Variants in HDGFL2 observed in about 807,000 individuals in gnomAD.
HDGFL2 encodes HDGF like 2.
HDGFL2 carries 36 observed loss-of-function variants against 77.1 expected under a neutral mutation model. The ratio of observed to expected loss-of-function variants is 0.47; its 90% CI spans 0.36 to 0.62. HDGFL2 has a LOEUF of 0.62. Ranked by LOEUF, HDGFL2 falls within the 20% of genes least tolerant of loss-of-function variation. The probability of loss-of-function intolerance (pLI) is 0.00; values close to 1 mark genes in which losing one functional copy is unlikely to be tolerated. For synonymous variants in HDGFL2, 463 were observed against 413.1 expected (o/e 1.12, Z -1.46); for missense variants, 976 against 973.4 (o/e 1.00, Z -0.04).
chr19:4,473,194 G>A (rs538030440), intron 1 of HDGFL2, among the ~76,000 whole-genome samples: 29 of 149,222 alleles, frequency 1.9e-4, no homozygotes, highest in African/African-American at 7.2e-4. Flanking sequence ...ACCTGAGGGA[G>A]CTGCGCCGTG....
At chr19:4,478,675 A>C (rs1975134593) in intron 3 of HDGFL2, among the ~76,000 whole-genome samples, 2 of 149,022 alleles carry the variant, frequency 1.3e-5, no homozygotes, top group African/African-American at 5.0e-5. Context: ...CCAGGTGGGT[A>C]GTTGGTTGGT....
In HDGFL2 at chr19:4,472,339, C is replaced by T; in HGVS notation, c.-12C>T. 1.3e-6 allele frequency: 2 copies of T among 1,516,074 alleles called. No homozygotes were observed. The highest frequency in any genetic ancestry group is 1.4e-5 in the African/African-American group (1 of 69,606). The allele number at this position is 1,516,074 out of a possible 1,614,324, so 93.9% of individuals were successfully genotyped here. ...CAGCCGCTTTCCGCGGCCTGGGCCTCTCGCCGTCAGCATGCCACACGCCTT... is the reference window on the plus strand; with the variant it reads ...CAGCCGCTTTCCGCGGCCTGGGCCTTTCGCCGTCAGCATGCCACACGCCTT... On this transcript the variant is annotated 5_prime_UTR_variant, in exon 1 of 16. Transcript: ENST00000616600.
chr19:4,493,663 G>A (rs917480519), intron 6 of HDGFL2, 40 bp from the exon 7 acceptor site: 18 of 1,405,538 alleles, frequency 1.3e-5, no homozygotes, highest in Middle Eastern at 2.1e-4. Context: ...TTCTCACGGT[G>A]GGGCTCCTGA....
intron 3 of HDGFL2, among the ~76,000 whole-genome samples, chr19:4,478,043 G>A (rs1251519738): frequency 7.1e-6 from 1 of 141,780 alleles, no homozygotes; most frequent in Non-Finnish European, 1.5e-5. Context: ...TTGTGCCACT[G>A]TACTCCAGCC....
chr19:4,495,025 C>T (rs1975663863), intron 9 of HDGFL2, among the ~76,000 whole-genome samples: 1 of 152,098 alleles, frequency 6.6e-6, no homozygotes, highest in Admixed American at 6.6e-5. Context: ...TGGGGGGTTT[C>T]TCTTTTAAAT....
intron 14 of HDGFL2, 145 bp downstream of exon 14, chr19:4,499,849 C>CACGG: frequency 1.4e-6 from 1 of 701,506 alleles, no homozygotes; most frequent in Non-Finnish European, 2.3e-6. Flanking sequence ...GGTCTCCGTG[C>CACGG]AGACCCGGCT....
intron 9 of HDGFL2, among the ~76,000 whole-genome samples, chr19:4,495,325 T>A (rs1975672409): frequency 1.5e-5 from 2 of 135,556 alleles, no homozygotes; most frequent in South Asian, 4.5e-4. Flanking sequence ...GAGGCAGAGG[T>A]TGCAGCGAGC....
At chr19:4,495,481 C>T (rs970224284) in intron 9 of HDGFL2, among the ~76,000 whole-genome samples, 6 of 151,524 alleles carry the variant, frequency 4.0e-5, no homozygotes, top group Admixed American at 3.9e-4. Flanking sequence ...GGAGAAGCAG[C>T]TCACACACAG....
In HDGFL2 at chr19:4,501,178, C is replaced by T. The variant is rs753446486; in HGVS notation, c.1790-13C>T. On this transcript the variant is annotated splice_polypyrimidine_tract_variant and intron_variant, in intron 14 of 15. Coordinates refer to ENST00000616600, the MANE Select transcript of HDGFL2 (RefSeq NM_001001520.3). Reference sequence around the variant, plus strand: ...AGCCCAGCAGTGTCCTGTGACCCCTCTGTCCCACCCAGATCTCTCAGCCCC... The same window carrying T: ...AGCCCAGCAGTGTCCTGTGACCCCTTTGTCCCACCCAGATCTCTCAGCCCC... The T allele has an allele frequency of 6.2e-7, 1 of 1,612,982 alleles. No individual in the cohort carries two copies. The highest frequency in any genetic ancestry group is 1.7e-5 in the Admixed American group (1 of 60,004).
chr19:4,497,244 C>G (rs1002330685), intron 10 of HDGFL2: 1 of 430,544 alleles, frequency 2.3e-6, no homozygotes, highest in African/African-American at 2.1e-5. Context: ...GTGGCCCAGG[C>G]TGGAGTGCAG....
At chr19:4,498,494 AG>A in intron 12 of HDGFL2, 118 bp downstream of exon 12, 2 of 818,634 alleles carry the variant, frequency 2.4e-6, no homozygotes, top group Non-Finnish European at 4.0e-6. Context: ...GTGGGCCAGG[AG>A]TCTGTTCCGG....
At chr19:4,475,044 C>G in intron 1 of HDGFL2, 1 of 549,424 alleles carries the variant, frequency 1.8e-6, no homozygotes, top group Non-Finnish European at 3.3e-6. Flanking sequence ...GAGCACCTGC[C>G]CTGGGGCCAG....
intron 3 of HDGFL2, among the ~76,000 whole-genome samples, chr19:4,487,127 G>A (rs1430572130): frequency 6.6e-6 from 1 of 151,848 alleles, no homozygotes; most frequent in African/African-American, 2.4e-5. Context: ...ACCACGCCTG[G>A]CTAATTTTTT....
rs1044749468 is a variant in HDGFL2 at position 4,496,375 on chromosome 19, G to C, written c.1298G>C (p.Arg433Thr). 2.5e-6 allele frequency: 4 copies of C among 1,614,014 alleles called. No individual in the cohort carries two copies. Among genetic ancestry groups the C allele is most frequent in the Non-Finnish European group, 3.4e-6 (4 of 1,179,934 alleles). Residue 433 changes from arginine to threonine, a missense_variant, in exon 10 of 16, where the codon AGA (arginine) becomes ACA (threonine). By Grantham distance (71) the Arg-to-Thr change is moderately conservative (BLOSUM62 -1). Around this residue, in one of 5 missense-constraint regions of HDGFL2, gnomAD observed 567 missense variants for 534.7 expected, o/e 1.06. Coordinates refer to ENST00000616600, the MANE Select transcript of HDGFL2 (RefSeq NM_001001520.3). ...PARKPGQKEKRVRPEEKQQAK... is the reference protein window; with the variant it reads ...PARKPGQKEKTVRPEEKQQAK... ...AGGAAACCTGGCCAGAAGGAGAAGAGAGTGCGGCCCGAGGAGAAGCAACAA... is the reference window on the plus strand; with the variant it reads ...AGGAAACCTGGCCAGAAGGAGAAGACAGTGCGGCCCGAGGAGAAGCAACAA...
intron 3 of HDGFL2, among the ~76,000 whole-genome samples, chr19:4,484,032 G>A (rs8106389): frequency 0.43 from 64,164 of 149,650 alleles, 14,237 homozygotes; most frequent in Middle Eastern, 0.51. Context: ...CTCGTGATCT[G>A]CCTGCCTTGG....
Position 4,494,043 on chromosome 19 carries a change from C to G in HDGFL2, c.900C>G (p.Ser300Arg). ...CGAAGCCTGAACGGCCTCCGTCCAG[C>G]TCCAGCAGTGACAGGTGGGTGCTGG... ...RKPKPERPPS[S>R]SSSDSDSDEV... The change falls in exon 8 of 16, where the codon AGC becomes AGG. Residue 300 changes from serine to arginine, a missense_variant. Physicochemically the swap from Ser to Arg is moderately radical, Grantham distance 110. This residue lies in a region of HDGFL2 where 567 missense variants were observed against 534.7 expected (regional missense o/e 1.06). Transcript: ENST00000616600. The G allele has an allele frequency of 6.2e-7, 1 of 1,609,050 alleles. No individual in the cohort carries two copies. Among genetic ancestry groups the G allele is most frequent in the Non-Finnish European group, 8.5e-7 (1 of 1,178,260 alleles).
chr19:4,494,268 G>A lies in HDGFL2; in HGVS notation c.1017G>A (p.Leu339=). ...ARRRREQEEE[L]RRLREQEKEE... ...GGCGGCGAGAGCAGGAGGAGGAGCT[G>A]CGGCGCCTGCGGGAGCAGGAGAAGG... is the stretch of plus-strand genomic sequence containing the variant. The change falls in exon 9 of 16, where the codon CTG becomes CTA. Residue 339 remains leucine (L), a synonymous_variant. Transcript: ENST00000616600. The A allele has an allele frequency of 6.9e-7, 1 of 1,454,564 alleles. No individual in the cohort carries two copies. Among genetic ancestry groups the A allele is most frequent in the African/African-American group, 1.5e-5 (1 of 67,564 alleles). 90.1% of individuals were successfully genotyped at this position (1,454,564 alleles called of 1,614,324 possible).
chr19:4,501,735 G>A, intron 15 of HDGFL2, 176 bp from the exon 16 acceptor site: 2 of 542,474 alleles, frequency 3.7e-6, no homozygotes, highest in Non-Finnish European at 6.3e-6. Context: ...CCAGCGTGGG[G>A]ACCCTGGAGA....
chr19:4,481,930 A>T (rs1275615008), intron 3 of HDGFL2, among the ~76,000 whole-genome samples: 2 of 149,608 alleles, frequency 1.3e-5, no homozygotes, highest in Non-Finnish European at 3.0e-5. Flanking sequence ...TTTCCAATTT[A>T]GTCACACCCC....
Sources: gnomAD v4.1 joint callset for allele counts (sites outside exome capture counted in the v4.1 genomes callset) on GRCh38, gnomAD v4.1.1 for gene constraint, gnomAD v4.1.1 regional missense constraint, MANE v1.5 for transcripts, NCBI Gene and HGNC (gene_info 2026-07-23, HGNC 2026-07-21) for gene names.